The following MAF variants were observed in gnomAD, a reference collection of about 807,000 sequenced individuals.
MAF encodes transcription factor Maf.
A neutral mutation model predicts 22.0 loss-of-function variants in MAF; 10 were observed. That is an observed-to-expected ratio of 0.45 (90% CI 0.28 to 0.77). The LOEUF (loss-of-function observed/expected upper bound fraction) is 0.77. Ranked by LOEUF, MAF falls within the 30% of genes least tolerant of loss-of-function variation. MAF has a pLI of 0.12. For synonymous variants in MAF, 337 were observed against 255.8 expected (o/e 1.32, Z -3.03); for missense variants, 544 against 548.4 (o/e 0.99, Z 0.08).
chr16:79,552,494 C>A, the MAF span, among the ~76,000 whole-genome samples: 1 of 152,196 alleles, frequency 6.6e-6, no homozygotes, highest in African/African-American at 2.4e-5. Context: ...CAGGTATAAG[C>A]CACCTGTTCT....
chr16:79,393,927 T>G, the MAF span, among the ~76,000 whole-genome samples: 1 of 152,192 alleles, frequency 6.6e-6, no homozygotes, highest in South Asian at 2.1e-4. Flanking sequence ...TGCTTTTAAG[T>G]ATTTCCATGT....
At chr16:79,264,975 G>C in the MAF span, among the ~76,000 whole-genome samples, 2 of 152,142 alleles carry the variant, frequency 1.3e-5, no homozygotes, top group Admixed American at 6.5e-5. Flanking sequence ...ACCAGAACTC[G>C]CCTGTGACTA....
At chr16:79,508,449 C>G in the MAF span, among the ~76,000 whole-genome samples, 4 of 152,092 alleles carry the variant, frequency 2.6e-5, no homozygotes, top group South Asian at 4.2e-4. Context: ...TAGCCTTGCC[C>G]CTTCATGCCT....
At chr16:79,230,931 A>G in the MAF span, among the ~76,000 whole-genome samples, 1 of 152,032 alleles carries the variant, frequency 6.6e-6, no homozygotes, top group Non-Finnish European at 1.5e-5. Context: ...ATACGCTAAT[A>G]TTTCTCTGCC....
chr16:79,487,960 A>C, the MAF span, among the ~76,000 whole-genome samples: 2 of 152,190 alleles, frequency 1.3e-5, no homozygotes, highest in Non-Finnish European at 2.9e-5. Flanking sequence ...AGGTTAAGAA[A>C]CTACAAGGAA....
chr16:79,553,289 G>C, the MAF span, among the ~76,000 whole-genome samples: 1 of 152,240 alleles, frequency 6.6e-6, no homozygotes. Flanking sequence ...CATCATGGCA[G>C]AGAAATCTGC....
At chr16:79,511,308 G>T in the MAF span, among the ~76,000 whole-genome samples, 1 of 152,126 alleles carries the variant, frequency 6.6e-6, no homozygotes, top group Non-Finnish European at 1.5e-5. Flanking sequence ...ATAGCCAAGA[G>T]AATGTATTTT....
In MAF at chr16:79,597,669, A is replaced by T. The variant is rs1271841621; in HGVS notation, c.1118+1116T>A. 1.8e-5 allele frequency: 18 copies of T among 1,020,686 alleles called. No individual in the cohort carries two copies. In the African/African-American group the frequency reaches 2.2e-4, roughly 13 times the overall value. 63.2% of individuals were successfully genotyped at this position (1,020,686 alleles called of 1,614,324 possible). A position where few individuals can be genotyped will look rare whatever the true frequency, so the allele number is the denominator to read the frequency against. On this transcript the variant is annotated intron_variant, in intron 1 of 1. Transcript: ENST00000326043. ...TCTACGGTTGCACTGTTTTGTTCTA[A>T]ACTCAAAAAAGTCATGAGGCAATAA... is the stretch of plus-strand genomic sequence containing the variant.
At chr16:79,584,911 C>T (rs1912746339), downstream of MAF, among the ~76,000 whole-genome samples, 1 of 152,112 alleles carries the variant, frequency 6.6e-6, no homozygotes, top group Non-Finnish European at 1.5e-5. Flanking sequence ...AAAAATGAGG[C>T]TATGTTTTTC....
chr16:79,268,729 C>T, the MAF span, among the ~76,000 whole-genome samples: 1 of 152,202 alleles, frequency 6.6e-6, no homozygotes, highest in Non-Finnish European at 1.5e-5. Flanking sequence ...CCACCAACTC[C>T]ATATATCAGT....
the MAF span, among the ~76,000 whole-genome samples, chr16:79,528,916 C>T: frequency 1.2e-4 from 18 of 152,114 alleles, no homozygotes; most frequent in Admixed American, 9.2e-4. Context: ...GTTGATGACC[C>T]GGTGCAAGAT....
the MAF span, among the ~76,000 whole-genome samples, chr16:79,507,778 T>G: frequency 6.6e-6 from 1 of 152,224 alleles, no homozygotes; most frequent in East Asian, 1.9e-4. Context: ...AATGAACTGA[T>G]AAGCATGTAA....
downstream of MAF, among the ~76,000 whole-genome samples, chr16:79,593,633 G>A (rs1896237447): frequency 6.6e-6 from 1 of 152,192 alleles, no homozygotes; most frequent in Non-Finnish European, 1.5e-5. Context: ...TGATGTCTCC[G>A]TAGCAGATTT....
chr16:79,436,058 C>T, the MAF span, among the ~76,000 whole-genome samples: 1 of 152,172 alleles, frequency 6.6e-6, no homozygotes, highest in Non-Finnish European at 1.5e-5. Context: ...AGAGCAAAGT[C>T]TGTGAGAAAT....
chr16:79,216,465 G>A, the MAF span, among the ~76,000 whole-genome samples: 2 of 152,224 alleles, frequency 1.3e-5, no homozygotes, highest in Non-Finnish European at 2.9e-5. Context: ...TAGAAACTGT[G>A]CTTAGAGTAC....
the MAF span, among the ~76,000 whole-genome samples, chr16:79,399,835 C>A: frequency 6.6e-6 from 1 of 152,150 alleles, no homozygotes; most frequent in Non-Finnish European, 1.5e-5. Flanking sequence ...GTGCCTGTAT[C>A]CTTACTTAAT....
chr16:79,333,265 G>C, the MAF span, among the ~76,000 whole-genome samples: 1 of 152,172 alleles, frequency 6.6e-6, no homozygotes, highest in Non-Finnish European at 1.5e-5. Context: ...GATGAGGCCT[G>C]TTTGCCTTTG....
chr16:79,440,939 T>C, the MAF span, among the ~76,000 whole-genome samples: 1 of 152,220 alleles, frequency 6.6e-6, no homozygotes, highest in Admixed American at 6.5e-5. Flanking sequence ...CTGTAGCTTT[T>C]GGTAAATGCT....
chr16:79,436,339 T>G, the MAF span, among the ~76,000 whole-genome samples: 12 of 152,336 alleles, frequency 7.9e-5, no homozygotes, highest in South Asian at 2.5e-3. Context: ...CGCTTCAGCC[T>G]CCCAAAGTGC....
Sources: gnomAD v4.1 joint callset for allele counts (sites outside exome capture counted in the v4.1 genomes callset) on GRCh38, gnomAD v4.1.1 for gene constraint, MANE v1.5 for transcripts, NCBI Gene and HGNC (gene_info 2026-07-23, HGNC 2026-07-21) for gene names.